RPS6KC1: variants seen among roughly 807,000 people sequenced by gnomAD.
The protein encoded by RPS6KC1 is inactive ribosomal protein S6 kinase delta-1.
A neutral mutation model predicts 103.8 loss-of-function variants in RPS6KC1; 54 were observed. The ratio of observed to expected loss-of-function variants is 0.52; its 90% confidence interval spans 0.42 to 0.65. The LOEUF (loss-of-function observed/expected upper bound fraction) is 0.65, where lower values mean the gene tolerates loss of function less well. Ranked by LOEUF, RPS6KC1 falls within the 30% of genes least tolerant of loss-of-function variation. The pLI, the probability that RPS6KC1 is intolerant of heterozygous loss-of-function variation, is 0.00. For missense variants in RPS6KC1, 1,151 were observed against 1,253.8 expected, an observed-to-expected ratio of 0.92 and a Z score of 1.24; for synonymous variants, 439 against 438.7, an observed-to-expected ratio of 1.00 and a Z score of -0.01.
chr1:213,659,283 G>GCT, the RPS6KC1 span, among the ~76,000 whole-genome samples: 1 of 152,092 alleles, frequency 6.6e-6, no homozygotes, highest in Non-Finnish European at 1.5e-5. Flanking sequence ...TATTCTTATA[G>GCT]GGAGGAAGGG....
the RPS6KC1 span, among the ~76,000 whole-genome samples, chr1:213,807,315 G>C: frequency 6.6e-6 from 1 of 152,152 alleles, no homozygotes; most frequent in Non-Finnish European, 1.5e-5. Flanking sequence ...TCCTGAATCT[G>C]CATGTTGGCC....
chr1:213,783,648 G>C, the RPS6KC1 span, among the ~76,000 whole-genome samples: 1 of 147,922 alleles, frequency 6.8e-6, no homozygotes, highest in Non-Finnish European at 1.5e-5. Flanking sequence ...TCTTATCAAG[G>C]GATTTTTTTT....
At chr1:213,311,169 C>G in the RPS6KC1 span, among the ~76,000 whole-genome samples, 2 of 149,090 alleles carry the variant, frequency 1.3e-5, no homozygotes, top group Non-Finnish European at 3.0e-5. Context: ...GACGGAGTCT[C>G]GCTCTGTTGC....
chr1:213,180,175 G>C (rs1167106505), intron 8 of RPS6KC1, among the ~76,000 whole-genome samples: 1 of 152,070 alleles, frequency 6.6e-6, no homozygotes, highest in Non-Finnish European at 1.5e-5. Flanking sequence ...AAAAAAATGT[G>C]TAGTCTTCAA....
the RPS6KC1 span, among the ~76,000 whole-genome samples, chr1:213,539,324 A>G: frequency 2.0e-5 from 3 of 152,206 alleles, no homozygotes; most frequent in African/African-American, 4.8e-5. Context: ...AAATAAGCAT[A>G]TTCTGAAATG....
chr1:213,140,694 G>A (rs2086910764), intron 6 of RPS6KC1, among the ~76,000 whole-genome samples: 1 of 152,038 alleles, frequency 6.6e-6, no homozygotes, highest in Admixed American at 6.6e-5. Flanking sequence ...TCCTACTTGA[G>A]CATGGTAGAT....
chr1:213,129,411 A>G, intron 5 of RPS6KC1, 116 bp from the exon 6 acceptor site: 1 of 1,172,878 alleles, frequency 8.5e-7, no homozygotes, highest in Non-Finnish European at 1.2e-6. Context: ...CCATCAGTAA[A>G]TTACAGCCTT....
chr1:213,163,136 CTG>C (rs1468661311), intron 6 of RPS6KC1, among the ~76,000 whole-genome samples: 5 of 152,146 alleles, frequency 3.3e-5, no homozygotes, highest in East Asian at 3.8e-4. Context: ...AAAAAACTAA[CTG>C]TAACTACCAA....
chr1:213,751,764 G>A, the RPS6KC1 span, among the ~76,000 whole-genome samples: 1 of 152,208 alleles, frequency 6.6e-6, no homozygotes, highest in Admixed American at 6.5e-5. Context: ...CTTTACATAT[G>A]AAGTAGAAAT....
chr1:213,626,748 A>C, the RPS6KC1 span, among the ~76,000 whole-genome samples: 1 of 151,972 alleles, frequency 6.6e-6, no homozygotes, highest in Non-Finnish European at 1.5e-5. Context: ...GATATGTGGC[A>C]TTATTTCTGA....
At chr1:213,394,734 T>C in the RPS6KC1 span, among the ~76,000 whole-genome samples, 1 of 152,194 alleles carries the variant, frequency 6.6e-6, no homozygotes, top group Non-Finnish European at 1.5e-5. Context: ...GTGGGTGCTT[T>C]TCTGGAAGAA....
the RPS6KC1 span, among the ~76,000 whole-genome samples, chr1:213,603,873 C>CA: frequency 4.0e-5 from 6 of 151,096 alleles, no homozygotes; most frequent in East Asian, 1.9e-4. Context: ...AAAAGAAAAA[C>CA]AAAAAAAAGA....
the RPS6KC1 span, among the ~76,000 whole-genome samples, chr1:213,641,153 A>T: frequency 0.16 from 21,323 of 131,354 alleles, 2,355 homozygotes; most frequent in African/African-American, 0.33. Flanking sequence ...ACTGATTCTT[A>T]CTCTTTTACC....
chr1:213,830,691 A>C, the RPS6KC1 span, among the ~76,000 whole-genome samples: 2 of 150,900 alleles, frequency 1.3e-5, no homozygotes, highest in Non-Finnish European at 3.0e-5. Context: ...AAAAAAAAAA[A>C]CTCTCAAAAC....
the RPS6KC1 span, among the ~76,000 whole-genome samples, chr1:213,337,935 G>A: frequency 1.3e-5 from 2 of 152,118 alleles, no homozygotes; most frequent in South Asian, 2.1e-4. Context: ...AGACAGTGAA[G>A]CAGGGCTAGT....
At chr1:213,804,369 T>C in the RPS6KC1 span, among the ~76,000 whole-genome samples, 1 of 151,988 alleles carries the variant, frequency 6.6e-6, no homozygotes, top group African/African-American at 2.4e-5. Flanking sequence ...TGAACGAGAA[T>C]GAATCCCACC....
At chr1:213,622,996 C>T in the RPS6KC1 span, among the ~76,000 whole-genome samples, 6 of 152,096 alleles carry the variant, frequency 3.9e-5, no homozygotes, top group South Asian at 4.2e-4. Flanking sequence ...TAATAGGGCC[C>T]GTCCTAGAGG....
chr1:213,758,278 T>C, the RPS6KC1 span, among the ~76,000 whole-genome samples: 1 of 152,168 alleles, frequency 6.6e-6, no homozygotes, highest in Non-Finnish European at 1.5e-5. Flanking sequence ...TAGGTGCCAT[T>C]AAAAATATTT....
chr1:213,349,420 T>C, the RPS6KC1 span, among the ~76,000 whole-genome samples: 1 of 152,148 alleles, frequency 6.6e-6, no homozygotes, highest in Non-Finnish European at 1.5e-5. Context: ...GGATTTAGGC[T>C]ATATGATATG....
Sources: allele counts gnomAD v4.1 joint callset (sites outside exome capture counted in the v4.1 genomes callset), GRCh38; gene constraint gnomAD v4.1.1; transcripts MANE v1.5; gene names NCBI Gene and HGNC (gene_info 2026-07-23, HGNC 2026-07-21).